OFD1: variants seen among roughly 807,000 people sequenced by gnomAD.
OFD1 encodes centriole and centriolar satellite protein OFD1.
OFD1 carries 12 observed loss-of-function variants against 81.4 expected under a neutral mutation model. The observed-to-expected ratio is 0.15, with a 90% CI of 0.09 to 0.24. The LOEUF (loss-of-function observed/expected upper bound fraction) is 0.24. Among genes scored for constraint, OFD1 ranks in the 10% least tolerant of loss-of-function variants. OFD1 has a pLI of 1.00. For missense variants in OFD1, 685 were observed against 733.9 expected, an observed-to-expected ratio of 0.93 and a Z score of 0.77; for synonymous variants, 256 against 263.7, an observed-to-expected ratio of 0.97 and a Z score of 0.28.
chrX:13,751,168 C>T (rs2047486289), intron 9 of OFD1, 81 bp from the exon 10 acceptor site: 1 of 956,146 alleles, frequency 1.0e-6, no homozygotes, highest in African/African-American at 1.9e-5. Context: ...GTCTGTGGAA[C>T]TAGACACATG....
intron 9 of OFD1, among the ~76,000 whole-genome samples, chrX:13,750,496 C>G: frequency 8.9e-6 from 1 of 112,198 alleles, no homozygotes; most frequent in Non-Finnish European, 1.9e-5. Flanking sequence ...ACCTCCCTGG[C>G]TAAGGAGTTG....
chrX:13,723,945 C>T, the OFD1 span, among the ~76,000 whole-genome samples: 1 of 111,570 alleles, frequency 9.0e-6, no homozygotes, highest in South Asian at 3.8e-4. Flanking sequence ...GACCCAATGT[C>T]ATGACAAGGG....
At position 13,760,264 on chromosome X, in the gene OFD1, C is replaced by T. The variant is rs778453576; in HGVS notation, c.1804C>T (p.Arg602Cys). 24 of 1,209,758 alleles carry T rather than the reference C, an allele frequency of 2.0e-5. No individual in the cohort carries two copies. The highest frequency in any genetic ancestry group is 2.3e-4 in the Middle Eastern group (1 of 4,375). Residue 602 changes from arginine to cysteine, a missense_variant, in exon 16 of 23, where the codon CGT (arginine) becomes TGT (cysteine). By Grantham distance (180) the Arg-to-Cys change is radical (BLOSUM62 -3). Transcript: ENST00000340096. ...TTTTAAACAGGAAAACGTTCTAGCACGTATGGTTGCATCAAGGATCACAAA... is the reference window on the plus strand; with the variant it reads ...TTTTAAACAGGAAAACGTTCTAGCATGTATGGTTGCATCAAGGATCACAAA... ...NPFKQENVLA[R>C]MVASRITNYP...
At chrX:13,755,946 C>CTTTTTTTTTTTTTTTTTTTTTT (rs34300430) in intron 12 of OFD1, among the ~76,000 whole-genome samples, 29 of 65,089 alleles carry the variant, frequency 4.5e-4, no homozygotes, top group African/African-American at 1.7e-3. Flanking sequence ...CTTTCTTTCC[C>CTTTTTTTTTTTTTTTTTTTTTT]TTTTTTTTTT....
At position 13,753,378 on chromosome X, in the gene OFD1, G is replaced by C. The variant is rs201343205; in HGVS notation, c.1066G>C (p.Glu356Gln). Residue 356 changes from glutamate to glutamine, a missense_variant, in exon 11 of 23, where the codon GAA becomes CAA. Coordinates refer to ENST00000340096, the MANE Select transcript of OFD1 (RefSeq NM_003611.3). ...CATTCTGATTCTCAGGTATCAACTTGAACTGAAGGATGACTACATCATTAG... is the reference window on the plus strand; with the variant it reads ...CATTCTGATTCTCAGGTATCAACTTCAACTGAAGGATGACTACATCATTAG... Reference protein sequence around the residue: ...LKNELLKYQLELKDDYIIRTN... With the variant: ...LKNELLKYQLQLKDDYIIRTN... 3 of 1,205,558 alleles carry C rather than the reference G, an allele frequency of 2.5e-6. No individual in the cohort carries two copies. The East Asian group carries it at 8.9e-5, about 36-fold the overall frequency.
intron 8 of OFD1, among the ~76,000 whole-genome samples, chrX:13,747,436 ATC>A (rs1254581381): frequency 9.0e-6 from 1 of 111,675 alleles, no homozygotes; most frequent in Non-Finnish European, 1.9e-5. Flanking sequence ...ATTTGTAAGT[ATC>A]TCTCTGTCCC....
rs1248021025 is a variant in OFD1, at chrX:13,752,796, GCTT to G, written c.1056-569_1056-567del. ...TTTGGAGGCTCTTCGCCACAGGAGT[GCTT>G]CTATTTCCTTTTGGAACCAAAAGGG... On this transcript the variant is annotated intron_variant, in intron 10 of 22. Transcript: ENST00000340096. The G allele has an allele frequency of 3.8e-5, 37 of 968,548 alleles. No homozygotes were observed. In the African/African-American group the frequency reaches 6.8e-4, roughly 18 times the overall value. 79.8% of individuals were successfully genotyped at this position (968,548 alleles called of 1,213,427 possible).
chrX:13,754,605 AC>A (rs1232821260), intron 11 of OFD1, among the ~76,000 whole-genome samples: 2 of 108,644 alleles, frequency 1.8e-5, no homozygotes, highest in Non-Finnish European at 3.8e-5. Context: ...AGAGAGTTTC[AC>A]CATGTTGGCC....
chrX:13,768,306 G>T, intron 21 of OFD1, 82 bp downstream of exon 21: 2 of 749,660 alleles, frequency 2.7e-6, no homozygotes, highest in Non-Finnish European at 4.2e-6. Context: ...ACGGGAATCC[G>T]TCTTCTCCAT....
chrX:13,737,918 T>G (rs940363925), intron 3 of OFD1, among the ~76,000 whole-genome samples: 5 of 111,554 alleles, frequency 4.5e-5, no homozygotes, highest in Admixed American at 9.5e-5. Context: ...GGCGCAGTCT[T>G]GGCTCACTGC....
chrX:13,736,650 T>C lies in OFD1; in HGVS notation c.284T>C (p.Phe95Ser). The C allele has an allele frequency of 8.3e-7, 1 of 1,208,586 alleles. No homozygotes were observed. Among genetic ancestry groups the C allele is most frequent in the Non-Finnish European group, 1.1e-6 (1 of 892,934 alleles). ...TATGAATATTCACTTTCTGTTTTCT[T>C]TCCAGAAAGTGGTTTGGCAAAAGAA... ...CGYEYSLSVF[F>S]PESGLAKEKV... The change falls in exon 3 of 23, where the codon TTT becomes TCT. Residue 95 changes from phenylalanine to serine, a missense_variant. This residue lies in a region of OFD1 where 414 missense variants were observed against 447.2 expected (regional missense o/e 0.93). Coordinates refer to ENST00000340096, the MANE Select transcript of OFD1 (RefSeq NM_003611.3).
intron 5 of OFD1, among the ~76,000 whole-genome samples, chrX:13,741,084 G>A (rs1269299405): frequency 9.0e-6 from 1 of 110,692 alleles, no homozygotes; most frequent in Non-Finnish European, 1.9e-5. Flanking sequence ...AGGTTACAGT[G>A]AGCCAAGATC....
In OFD1 at chrX:13,755,189, A is replaced by T; in HGVS notation, c.1168A>T (p.Asn390Tyr). Residue 390 changes from asparagine (N) to tyrosine (Y), a missense_variant, in exon 12 of 23, where the codon AAT becomes TAT. This residue lies in a region of OFD1 where 414 missense variants were observed against 447.2 expected (regional missense o/e 0.93). Coordinates refer to ENST00000340096, the MANE Select transcript of OFD1 (RefSeq NM_003611.3). ...VHLQEELIAI[N>Y]SKKEELNQSV... ...TTTGCAAGAGGAGCTCATAGCTATTAATTCAAAAAAGGAGGAACTCAATCA... is the reference window on the plus strand; with the variant it reads ...TTTGCAAGAGGAGCTCATAGCTATTTATTCAAAAAAGGAGGAACTCAATCA... 8.3e-7 allele frequency: 1 copy of T among 1,208,306 alleles called. No individual in the cohort carries two copies. The highest frequency in any genetic ancestry group is 1.1e-6 in the Non-Finnish European group (1 of 892,195).
At chrX:13,747,625 C>T (rs1274726142) in intron 8 of OFD1, among the ~76,000 whole-genome samples, 3 of 111,623 alleles carry the variant, frequency 2.7e-5, no homozygotes, top group Non-Finnish European at 5.7e-5. Flanking sequence ...GGTTGAGTGG[C>T]AGTCTCAGTG....
At chrX:13,765,214 G>A (rs2048082151) in intron 19 of OFD1, among the ~76,000 whole-genome samples, 1 of 110,155 alleles carries the variant, frequency 9.1e-6, no homozygotes, top group Non-Finnish European at 1.9e-5. Flanking sequence ...GTTGAAATTT[G>A]GTGTCTCGGA....
chrX:13,742,000 G>A (rs2047124041), intron 5 of OFD1, among the ~76,000 whole-genome samples: 2 of 111,877 alleles, frequency 1.8e-5, no homozygotes, highest in African/African-American at 3.3e-5. Context: ...GCTGAGCTTC[G>A]GCTCAGAGGC....
upstream of OFD1, among the ~76,000 whole-genome samples, chrX:13,732,557 T>C (rs1331130867): frequency 8.9e-6 from 1 of 112,727 alleles, no homozygotes; most frequent in South Asian, 3.6e-4. Context: ...TATCCATGTC[T>C]GCTATGAATT....
chrX:13,773,054 T>C, downstream of OFD1: 1 of 1,197,811 alleles, frequency 8.3e-7, no homozygotes, highest in Non-Finnish European at 1.1e-6. Context: ...GTGAGCATGA[T>C]GGCTAGTGAG....
At position 13,757,678 on chromosome X, in the gene OFD1, C is replaced by G. The variant is rs2047763402; in HGVS notation, c.1430C>G (p.Pro477Arg). ...RLLNRLAQPA[P>R]ELAVFQKELR... ...TTCTTAGGCCTAGCTCAGCCGGCTCCTGAACTTGCAGTCTTTCAGAAAGAA... is the reference window on the plus strand; with the variant it reads ...TTCTTAGGCCTAGCTCAGCCGGCTCGTGAACTTGCAGTCTTTCAGAAAGAA... The change falls in exon 14 of 23, where the codon CCT (proline) becomes CGT (arginine). Residue 477 changes from proline to arginine, a missense_variant. Around this residue, in one of 3 missense-constraint regions of OFD1, gnomAD observed 414 missense variants for 447.2 expected, o/e 0.93. Coordinates refer to ENST00000340096, the MANE Select transcript of OFD1 (RefSeq NM_003611.3). The G allele has an allele frequency of 8.3e-7, 1 of 1,206,200 alleles. No homozygotes were observed. The highest frequency in any genetic ancestry group is 1.8e-5 in the African/African-American group (1 of 56,183).
Sources: allele counts gnomAD v4.1 joint callset (sites outside exome capture counted in the v4.1 genomes callset), GRCh38; gene constraint gnomAD v4.1.1; regional missense constraint gnomAD v4.1.1; transcripts MANE v1.5; gene names NCBI Gene and HGNC (gene_info 2026-07-23, HGNC 2026-07-21).